Variants in GALNT10 observed in about 807,000 individuals in gnomAD.
GALNT10 encodes polypeptide N-acetylgalactosaminyltransferase 10.
GALNT10 carries 41 observed loss-of-function variants against 75.0 expected under a neutral mutation model. The ratio of observed to expected loss-of-function variants is 0.55; its 90% CI spans 0.43 to 0.71. The LOEUF (loss-of-function observed/expected upper bound fraction) is 0.71, where lower values mean the gene tolerates loss of function less well. Ranked by LOEUF, GALNT10 falls within the 30% of genes least tolerant of loss-of-function variation. The pLI is 0.00. For synonymous variants in GALNT10, 302 were observed against 313.0 expected (o/e 0.96, Z 0.37); for missense variants, 727 against 818.5 (o/e 0.89, Z 1.36).
intron 1 of GALNT10, among the ~76,000 whole-genome samples, chr5:154,193,066 A>G (rs2113636940): frequency 6.7e-6 from 1 of 149,074 alleles, no homozygotes; most frequent in South Asian, 2.1e-4. Flanking sequence ...ATGGATAGAC[A>G]GGCTCATCTG....
At chr5:154,328,066 A>G (rs1004209) in intron 3 of GALNT10, among the ~76,000 whole-genome samples, 2 of 133,644 alleles carry the variant, frequency 1.5e-5, no homozygotes, top group African/African-American at 5.4e-5. Context: ...AGTTTCTTCA[A>G]CAAACAAATC....
intron 1 of GALNT10, among the ~76,000 whole-genome samples, chr5:154,201,945 A>AG (rs1322760797): frequency 6.6e-6 from 1 of 152,134 alleles, no homozygotes; most frequent in East Asian, 1.9e-4. Flanking sequence ...AAGAAAAAAA[A>AG]AAAAAGAAAT....
chr5:154,329,529 A>C, intron 3 of GALNT10, 43 bp from the exon 4 acceptor site: 2 of 1,537,556 alleles, frequency 1.3e-6, no homozygotes, highest in Non-Finnish European at 1.8e-6. Context: ...TGGCAGGAGG[A>C]GAGCTGACCC....
At chr5:154,237,334 C>G (rs1252334863) in intron 1 of GALNT10, among the ~76,000 whole-genome samples, 2 of 152,002 alleles carry the variant, frequency 1.3e-5, no homozygotes, top group Non-Finnish European at 2.9e-5. Context: ...GATTTTTGGT[C>G]AAAAGAAGTT....
chr5:154,260,231 C>A (rs1290181826), intron 1 of GALNT10, among the ~76,000 whole-genome samples: 2 of 152,130 alleles, frequency 1.3e-5, no homozygotes, highest in Admixed American at 1.3e-4. Flanking sequence ...CCCAACCCTC[C>A]CAAAAAAACC....
At chr5:154,214,703 G>C (rs968435192) in intron 1 of GALNT10, among the ~76,000 whole-genome samples, 4 of 152,160 alleles carry the variant, frequency 2.6e-5, no homozygotes, top group Admixed American at 2.6e-4. Flanking sequence ...AAGGGATTCA[G>C]TCAGCTACCT....
intron 1 of GALNT10, among the ~76,000 whole-genome samples, chr5:154,253,869 A>C (rs949658105): frequency 1.3e-5 from 2 of 151,982 alleles, no homozygotes; most frequent in African/African-American, 4.8e-5. Flanking sequence ...ACCTCTTTGC[A>C]GATCTACCTC....
intron 10 of GALNT10, among the ~76,000 whole-genome samples, chr5:154,415,353 T>C (rs1202182059): frequency 1.3e-5 from 2 of 152,114 alleles, no homozygotes; most frequent in African/African-American, 4.8e-5. Flanking sequence ...TATTTTTTTT[T>C]TTGAGACAGA....
intron 1 of GALNT10, among the ~76,000 whole-genome samples, chr5:154,252,623 C>T (rs1753540634): frequency 6.7e-6 from 1 of 149,956 alleles, no homozygotes; most frequent in Admixed American, 6.7e-5. Context: ...TTTTCTCCTT[C>T]ATTCCTTCCT....
Position 154,414,414 on chromosome 5 carries a change from T to C in GALNT10, c.1504-1369T>C, listed in dbSNP as rs75873509. ...TTCAGCAATAACAAGCGATGAATTA[T>C]TGATAAATGCTGTTAGGACATAGAT... On this transcript the variant is annotated intron_variant, in intron 10 of 11. Transcript: ENST00000297107. Among the ~76,000 whole-genome samples, 150 of 152,260 alleles carry C rather than the reference T, an allele frequency of 9.9e-4. 1 individual carries two copies. The highest frequency in any genetic ancestry group is 3.5e-3 in the African/African-American group (145 of 41,536).
intron 1 of GALNT10, among the ~76,000 whole-genome samples, chr5:154,229,505 G>T (rs1245437016): frequency 6.6e-6 from 1 of 151,870 alleles, no homozygotes; most frequent in African/African-American, 2.4e-5. Context: ...GAGGCAGGTG[G>T]ATCACGAGGT....
chr5:154,388,435 T>G (rs962023955), intron 7 of GALNT10: 1 of 152,188 alleles, frequency 6.6e-6, no homozygotes, highest in Non-Finnish European at 1.5e-5. Context: ...CCTTCATACA[T>G]GCTGACTTGT....
intron 7 of GALNT10, among the ~76,000 whole-genome samples, chr5:154,389,778 A>G (rs1755865818): frequency 6.6e-6 from 1 of 152,060 alleles, no homozygotes; most frequent in Non-Finnish European, 1.5e-5. Flanking sequence ...ATACAAATAT[A>G]TATTCCAATT....
intron 1 of GALNT10, among the ~76,000 whole-genome samples, chr5:154,263,401 A>G (rs1179481374): frequency 6.6e-6 from 1 of 152,200 alleles, no homozygotes; most frequent in African/African-American, 2.4e-5. Context: ...AGACACAAAG[A>G]CCACGTATTG....
At chr5:154,381,168 G>A (rs978351090) in intron 6 of GALNT10, among the ~76,000 whole-genome samples, 8 of 152,194 alleles carry the variant, frequency 5.3e-5, no homozygotes, top group Non-Finnish European at 7.3e-5. Context: ...ACTTGGAAGT[G>A]TAAGGAAAAT....
At chr5:154,267,826 C>G (rs1434225927) in intron 1 of GALNT10, among the ~76,000 whole-genome samples, 1 of 152,112 alleles carries the variant, frequency 6.6e-6, no homozygotes, top group Non-Finnish European at 1.5e-5. Context: ...TCCTTAGATG[C>G]CAGTCTTCAC....
Position 154,420,675 on chromosome 5 carries a change from G to A in GALNT10, c.*3703G>A, listed in dbSNP as rs1024243998. 3 of 152,182 alleles carry A rather than the reference G, an allele frequency of 2.0e-5. No homozygotes were observed. Among genetic ancestry groups the A allele is most frequent in the Admixed American group, 2.0e-4 (3 of 15,288 alleles). The allele number at this position is 152,182 out of a possible 1,614,324, so 9.4% of individuals were successfully genotyped here. A position where few individuals can be genotyped will look rare whatever the true frequency, so the allele number is the denominator to read the frequency against. ...AGCCAAGGCCCACTGCCACCTCTGGGATGGGAGTCGGACCTACATACCAAG... is the reference window on the plus strand; with the variant it reads ...AGCCAAGGCCCACTGCCACCTCTGGAATGGGAGTCGGACCTACATACCAAG... On this transcript the variant is annotated 3_prime_UTR_variant, in exon 12 of 12. Transcript: ENST00000297107.
intron 4 of GALNT10, among the ~76,000 whole-genome samples, chr5:154,348,401 A>G (rs941077372): frequency 1.3e-5 from 2 of 152,236 alleles, no homozygotes; most frequent in African/African-American, 2.4e-5. Flanking sequence ...AAAGCTATAA[A>G]TGCCAACTAT....
rs966655009 is a variant in GALNT10, at chr5:154,276,878, T to C, written c.160-17938T>C. On this transcript the variant is annotated intron_variant, in intron 1 of 11. Coordinates refer to ENST00000297107, the MANE Select transcript of GALNT10 (RefSeq NM_198321.4). ...GGTGTTTGAACTGAACCTCAGAAGA[T>C]AGGTGTTGTTTGGATCTTAAAAAAT... 4.6e-5 allele frequency among the ~76,000 whole-genome samples: 7 copies of C among 152,264 alleles called. No individual in the cohort carries two copies. In the East Asian group the frequency reaches 1.4e-3, roughly 29 times the overall value.
Sources: gnomAD v4.1 joint callset for allele counts (sites outside exome capture counted in the v4.1 genomes callset) on GRCh38, gnomAD v4.1.1 for gene constraint, MANE v1.5 for transcripts, NCBI Gene and HGNC (gene_info 2026-07-23, HGNC 2026-07-21) for gene names.